The following OTUD3 variants were observed in gnomAD, a reference collection of about 807,000 sequenced individuals.
OTUD3 encodes the protein OTU domain-containing protein 3.
In OTUD3, 24 loss-of-function variants were observed where a neutral mutation model predicts 46.2. The ratio of observed to expected loss-of-function variants is 0.52; its 90% confidence interval spans 0.38 to 0.73. OTUD3 has a LOEUF of 0.73. Among genes scored for constraint, OTUD3 ranks in the 30% least tolerant of loss-of-function variants. OTUD3 has a pLI of 0.00. For missense variants in OTUD3, 455 were observed against 523.3 expected, an observed-to-expected ratio of 0.87 and a Z score of 1.27; for synonymous variants, 189 against 195.4, an observed-to-expected ratio of 0.97 and a Z score of 0.27.
intron 6 of OTUD3, 102 bp from the exon 7 acceptor site, chr1:19,906,330 T>A: frequency 1.0e-6 from 1 of 990,970 alleles, no homozygotes; most frequent in African/African-American, 1.6e-5. Flanking sequence ...ACTTCCCTTA[T>A]GACTGAAGTA....
chr1:19,907,617 G>A lies in OTUD3; in HGVS notation c.1068G>A (p.Lys356=). ...AACAGCAGTGGATGGAGAAGAAGAA[G>A]CGGCAGGAGGAGAGGCACCGCCACA... The part of the protein sequence containing the change: ...RREQQWMEKK[K]RQEERHRHKA... The change falls in exon 8 of 8, where the codon AAG becomes AAA. Residue 356 remains lysine (K), a synonymous_variant. Transcript: ENST00000375120. 6.2e-7 allele frequency: 1 copy of A among 1,614,150 alleles called. No individual in the cohort carries two copies. Among genetic ancestry groups the A allele is most frequent in the African/African-American group, 1.3e-5 (1 of 75,038 alleles).
chr1:19,889,290 C>CAAAA (rs202060582), intron 1 of OTUD3, among the ~76,000 whole-genome samples: 1 of 138,014 alleles, frequency 7.2e-6, no homozygotes. Context: ...CCCTCCCCTG[C>CAAAA]AAAAAAAAAA....
chr1:19,907,621 C>G lies in OTUD3; in HGVS notation c.1072C>G (p.Gln358Glu), dbSNP rs2045680219. 1 of 1,613,986 alleles carries G rather than the reference C, an allele frequency of 6.2e-7. No individual in the cohort carries two copies. The highest frequency in any genetic ancestry group is 1.1e-5 in the South Asian group (1 of 91,084). ...EQQWMEKKKR[Q>E]EERHRHKALE... The stretch of plus-strand genomic sequence containing the variant: ...GCAGTGGATGGAGAAGAAGAAGCGG[C>G]AGGAGGAGAGGCACCGCCACAAAGC... The change falls in exon 8 of 8, where the codon CAG becomes GAG. Residue 358 changes from glutamine (Q) to glutamate (E), a missense_variant. Coordinates refer to ENST00000375120, the MANE Select transcript of OTUD3 (RefSeq NM_015207.2).
At position 19,897,657 on chromosome 1, in the gene OTUD3, A is replaced by G; in HGVS notation, c.601A>G (p.Thr201Ala). The G allele has an allele frequency of 6.2e-7, 1 of 1,612,448 alleles. No individual in the cohort carries two copies. Among genetic ancestry groups the G allele is most frequent in the East Asian group, 2.2e-5 (1 of 44,644 alleles). ...DNSEAPAHLQTDFQMLHQDES... is the reference protein window; with the variant it reads ...DNSEAPAHLQADFQMLHQDES... ...CTCAGAGGCACCTGCACATCTCCAGACGGATGTGAGTGAGGCCTCGGATTT... is the reference window on the plus strand; with the variant it reads ...CTCAGAGGCACCTGCACATCTCCAGGCGGATGTGAGTGAGGCCTCGGATTT... Residue 201 changes from threonine to alanine, a missense_variant, in exon 4 of 8, where the codon ACG (threonine) becomes GCG (alanine). Transcript: ENST00000375120.
chr1:19,886,193 A>C (rs1463464343), intron 1 of OTUD3, among the ~76,000 whole-genome samples: 1 of 152,290 alleles, frequency 6.6e-6, no homozygotes, highest in South Asian at 2.1e-4. Flanking sequence ...GTGTGAAAAG[A>C]ATGTATAACT....
chr1:19,890,403 T>G lies in OTUD3; in HGVS notation c.240T>G (p.Ala80=). ...VPGDGNCLFR[A]LGDQLEGHSR... is the part of the protein sequence containing the mutation. ...TTGACAGCAATTGCTTGTTCAGAGC[T>G]CTTGGTGATCAATTGGAGGGACACT... Residue 80 remains alanine, a synonymous_variant, in exon 2 of 8, where the codon GCT becomes GCG. Coordinates refer to ENST00000375120, the MANE Select transcript of OTUD3 (RefSeq NM_015207.2). 6.2e-7 allele frequency: 1 copy of G among 1,613,990 alleles called. No homozygotes were observed. Among genetic ancestry groups the G allele is most frequent in the Non-Finnish European group, 8.5e-7 (1 of 1,179,840 alleles).
intron 3 of OTUD3, among the ~76,000 whole-genome samples, chr1:19,895,500 C>T (rs2045506537): frequency 6.6e-6 from 1 of 152,160 alleles, no homozygotes; most frequent in Non-Finnish European, 1.5e-5. Flanking sequence ...TATAGTTTTG[C>T]CTTTCCAGAA....
At chr1:19,906,381 C>A (rs1314826677) in intron 6 of OTUD3, 51 bp from the exon 7 acceptor site, 4 of 1,547,300 alleles carry the variant, frequency 2.6e-6, no homozygotes, top group East Asian at 4.5e-5. Context: ...CAGTCATCAC[C>A]CTGTGTAACT....
intron 6 of OTUD3, among the ~76,000 whole-genome samples, chr1:19,905,347 G>C (rs2045644998): frequency 6.6e-6 from 1 of 151,676 alleles, no homozygotes; most frequent in Admixed American, 6.6e-5. Context: ...GAAATACCTT[G>C]TTTTTCTGGT....
At chr1:19,882,822 C>CA in intron 1 of OTUD3, 88 bp downstream of exon 1, 2 of 1,176,434 alleles carry the variant, frequency 1.7e-6, no homozygotes, top group South Asian at 3.1e-5. Flanking sequence ...TCCATCCATC[C>CA]ATTCATTCGG....
In OTUD3 at chr1:19,907,641, C is replaced by T. The variant is rs757405550; in HGVS notation, c.1092C>T (p.His364=). The T allele has an allele frequency of 6.2e-7, 1 of 1,614,162 alleles. No homozygotes were observed. The highest frequency in any genetic ancestry group is 8.5e-7 in the Non-Finnish European group (1 of 1,180,022). Residue 364 remains histidine, a synonymous_variant, in exon 8 of 8, where the codon CAC becomes CAT. Coordinates refer to ENST00000375120, the MANE Select transcript of OTUD3 (RefSeq NM_015207.2). ...KKKRQEERHR[H]KALESRGSHR... ...AGCGGCAGGAGGAGAGGCACCGCCA[C>T]AAAGCCCTGGAGAGCAGAGGTAGCC... is the stretch of plus-strand genomic sequence containing the variant.
At chr1:19,906,736 A>T in intron 7 of OTUD3, 120 bp downstream of exon 7, 1 of 896,060 alleles carries the variant, frequency 1.1e-6, no homozygotes, top group Non-Finnish European at 1.7e-6. Context: ...AGTGTGGAAA[A>T]TCTGGGGAAT....
intron 6 of OTUD3, 80 bp from the exon 7 acceptor site, chr1:19,906,352 A>G: frequency 8.0e-7 from 1 of 1,243,574 alleles, no homozygotes; most frequent in Non-Finnish European, 1.1e-6. Flanking sequence ...GGACCCAGGT[A>G]ATTTTGGAAT....
intron 3 of OTUD3, among the ~76,000 whole-genome samples, chr1:19,896,790 C>A (rs1007646290): frequency 5.9e-5 from 9 of 152,146 alleles, no homozygotes; most frequent in African/African-American, 2.2e-4. Flanking sequence ...TACGCCCAGA[C>A]CTTAGGGCTT....
chr1:19,896,022 T>C (rs1450185001), intron 3 of OTUD3, among the ~76,000 whole-genome samples: 1 of 152,146 alleles, frequency 6.6e-6, no homozygotes, highest in East Asian at 1.9e-4. Context: ...CTTTCATAAA[T>C]TCCTGAGCAT....
chr1:19,904,366 G>C lies in OTUD3; in HGVS notation c.706G>C (p.Val236Leu). 3 of 1,612,654 alleles carry C rather than the reference G, an allele frequency of 1.9e-6. No individual in the cohort carries two copies. The highest frequency in any genetic ancestry group is 2.5e-6 in the Non-Finnish European group (3 of 1,179,338). The change falls in exon 5 of 8, where the codon GTC becomes CTC. Residue 236 changes from valine (V) to leucine (L), a missense_variant. Coordinates refer to ENST00000375120, the MANE Select transcript of OTUD3 (RefSeq NM_015207.2). ...DDLRDEVEDAVQKVCNATGCS... is the reference protein window; with the variant it reads ...DDLRDEVEDALQKVCNATGCS... Reference sequence around the variant, plus strand: ...CCTGAGAGATGAAGTAGAGGATGCTGTCCAGAAAGTTTGTAATGCAACTGG... The same window carrying C: ...CCTGAGAGATGAAGTAGAGGATGCTCTCCAGAAAGTTTGTAATGCAACTGG...
rs1322020326 is a variant in OTUD3, at chr1:19,882,468, G to C, written c.-46G>C. On this transcript the variant is annotated 5_prime_UTR_variant, in exon 1 of 8. Transcript: ENST00000375120. ...CAACGCTTGAGGCGGACGCTGGGGG[G>C]TCCTGCGCCTTTCCCTCCTGCCGCT... The C allele has an allele frequency of 3.0e-6, 4 of 1,339,212 alleles. No individual in the cohort carries two copies. The highest frequency in any genetic ancestry group is 3.8e-6 in the Non-Finnish European group (4 of 1,050,792). The allele number at this position is 1,339,212 out of a possible 1,614,324, so 83.0% of individuals were successfully genotyped here. A position where few individuals can be genotyped will look rare whatever the true frequency, so the allele number is the denominator to read the frequency against.
chr1:19,901,030 C>T (rs1194175378), intron 4 of OTUD3, among the ~76,000 whole-genome samples: 5 of 151,452 alleles, frequency 3.3e-5, no homozygotes, highest in Non-Finnish European at 5.9e-5. Context: ...CTGCCTCAGC[C>T]TCCCGAGTAG....
chr1:19,890,158 A>G (rs1322425085), intron 1 of OTUD3, among the ~76,000 whole-genome samples: 1 of 152,176 alleles, frequency 6.6e-6, no homozygotes, highest in African/African-American at 2.4e-5. Context: ...GCCAGCTGGT[A>G]CATGGGGAAT....
Sources: gnomAD v4.1 joint callset for allele counts (sites outside exome capture counted in the v4.1 genomes callset) on GRCh38, gnomAD v4.1.1 for gene constraint, MANE v1.5 for transcripts, NCBI Gene and HGNC (gene_info 2026-07-23, HGNC 2026-07-21) for gene names.